Variants in AUTS2 observed in about 807,000 individuals in gnomAD.
AUTS2 encodes the protein activator of transcription and developmental regulator AUTS2, also known as autism susceptibility gene 2 protein.
Under a neutral mutation model 112.4 loss-of-function variants are expected in AUTS2, and 17 were observed. The ratio of observed to expected loss-of-function variants is 0.15; its 90% CI spans 0.10 to 0.23. The LOEUF (loss-of-function observed/expected upper bound fraction) is 0.23, where lower values mean the gene tolerates loss of function less well. AUTS2 is among the 10% of genes least tolerant of loss of function. AUTS2 has a pLI of 1.00. For synonymous variants in AUTS2, 751 were observed against 702.7 expected (o/e 1.07, Z -1.09); for missense variants, 1,510 against 1,701.6 (o/e 0.89, Z 1.98).
chr7:70,140,896 C>T (rs1273626893), intron 4 of AUTS2, among the ~76,000 whole-genome samples: 1 of 152,150 alleles, frequency 6.6e-6, no homozygotes, highest in Non-Finnish European at 1.5e-5. Context: ...TTTTAACTCA[C>T]AAGTATGACT....
intron 2 of AUTS2, among the ~76,000 whole-genome samples, chr7:70,079,379 G>A (rs1484230927): frequency 6.6e-6 from 1 of 152,060 alleles, no homozygotes; most frequent in African/African-American, 2.4e-5. Flanking sequence ...GCAGGCTCCT[G>A]TAATCCCAAC....
At chr7:69,783,239 T>C (rs972448811) in intron 1 of AUTS2, among the ~76,000 whole-genome samples, 2 of 152,048 alleles carry the variant, frequency 1.3e-5, no homozygotes, top group African/African-American at 4.8e-5. Context: ...TTGTCATCCT[T>C]TGGAGATTAG....
chr7:70,039,447 C>G (rs1258983647), intron 2 of AUTS2, among the ~76,000 whole-genome samples: 2 of 152,122 alleles, frequency 1.3e-5, no homozygotes, highest in African/African-American at 2.4e-5. Flanking sequence ...ACTGCAACCT[C>G]TGCCCCCTGG....
rs1450828357 is a variant in AUTS2 at position 70,660,066 on chromosome 7, A to G, written c.691-38503A>G. On this transcript the variant is annotated intron_variant, in intron 5 of 18. Coordinates refer to ENST00000342771, the MANE Select transcript of AUTS2 (RefSeq NM_015570.4). ...GTGATGCATGCCTGTAGTCCCAGCT[A>G]CTCTGGAGGCTGAGGCAGGAGAATC... Among the ~76,000 whole-genome samples the G allele has an allele frequency of 3.3e-5, 5 of 152,042 alleles. No individual in the cohort carries two copies. The South Asian group carries it at 1.0e-3, about 32-fold the overall frequency.
intron 5 of AUTS2, among the ~76,000 whole-genome samples, chr7:70,670,942 C>T (rs1009392937): frequency 3.9e-5 from 6 of 152,150 alleles, no homozygotes; most frequent in African/African-American, 1.2e-4. Context: ...GAGGCCGAGG[C>T]GGGCGGATCA....
intron 5 of AUTS2, among the ~76,000 whole-genome samples, chr7:70,644,522 G>A (rs564329870): frequency 3.3e-5 from 5 of 152,116 alleles, no homozygotes; most frequent in Admixed American, 6.5e-5. Context: ...TCCACACATC[G>A]TCTCGCACCC....
intron 1 of AUTS2, among the ~76,000 whole-genome samples, chr7:69,723,946 G>A (rs1042453080): frequency 3.3e-5 from 5 of 152,218 alleles, no homozygotes; most frequent in Non-Finnish European, 7.3e-5. Flanking sequence ...AGAGAGGACA[G>A]ACATCTGCAG....
chr7:69,956,876 C>A (rs1487611005), intron 2 of AUTS2, among the ~76,000 whole-genome samples: 3 of 151,438 alleles, frequency 2.0e-5, no homozygotes, highest in African/African-American at 7.3e-5. Flanking sequence ...TTTTATTTTT[C>A]TTTTGAGACA....
Position 69,940,720 on chromosome 7 carries a change from A to G in AUTS2, c.522+41222A>G, listed in dbSNP as rs139421125. Among the ~76,000 whole-genome samples the G allele has an allele frequency of 1.8e-3, 277 of 152,308 alleles. 1 individual carries two copies. Among genetic ancestry groups the G allele is most frequent in the Non-Finnish European group, 3.2e-3 (218 of 68,026 alleles). On this transcript the variant is annotated intron_variant, in intron 2 of 18. Coordinates refer to ENST00000342771, the MANE Select transcript of AUTS2 (RefSeq NM_015570.4). ...GTCATAGAGGGAGACAGTAGAGGACAAGAGTGCAGTCAGGCAGCTGATGCT... is the reference window on the plus strand; with the variant it reads ...GTCATAGAGGGAGACAGTAGAGGACGAGAGTGCAGTCAGGCAGCTGATGCT...
chr7:69,795,264 C>T (rs1789789527), intron 1 of AUTS2, among the ~76,000 whole-genome samples: 1 of 152,070 alleles, frequency 6.6e-6, no homozygotes, highest in Non-Finnish European at 1.5e-5. Context: ...TTTATAGGAA[C>T]AAAAAAGATT....
intron 5 of AUTS2, among the ~76,000 whole-genome samples, chr7:70,450,614 A>G (rs1467601484): frequency 1.3e-5 from 2 of 152,228 alleles, no homozygotes; most frequent in African/African-American, 4.8e-5. Flanking sequence ...GCACGGCAAG[A>G]TGAGAGTTTG....
At chr7:70,487,231 G>GC (rs542801192) in intron 5 of AUTS2, among the ~76,000 whole-genome samples, 5,151 of 151,670 alleles carry the variant, frequency 0.034, 187 homozygotes, top group Non-Finnish European at 0.042. Flanking sequence ...CCTCCCCCGC[G>GC]CCCCCCTCCC....
chr7:70,360,143 A>G (rs892484910), intron 4 of AUTS2, among the ~76,000 whole-genome samples: 2 of 152,068 alleles, frequency 1.3e-5, no homozygotes, highest in Non-Finnish European at 2.9e-5. Flanking sequence ...TCTTTTTTTT[A>G]AAGAAAAACA....
At chr7:69,964,192 G>A (rs1479327020) in intron 2 of AUTS2, among the ~76,000 whole-genome samples, 1 of 152,140 alleles carries the variant, frequency 6.6e-6, no homozygotes, top group Non-Finnish European at 1.5e-5. Context: ...GCAGTGGCAT[G>A]CTGGAGCCAG....
intron 1 of AUTS2, among the ~76,000 whole-genome samples, chr7:69,658,141 A>C (rs1795627752): frequency 6.6e-6 from 1 of 152,388 alleles, no homozygotes; most frequent in Admixed American, 6.5e-5. Flanking sequence ...TCATTCATTT[A>C]CGTTATTGCC....
intron 2 of AUTS2, among the ~76,000 whole-genome samples, chr7:70,002,885 A>G (rs2129552958): frequency 6.6e-6 from 1 of 152,048 alleles, no homozygotes; most frequent in Admixed American, 6.6e-5. Flanking sequence ...ATACCTAAAT[A>G]GCTGTGAAAA....
intron 6 of AUTS2, chr7:70,699,587 C>T (rs1479971743): frequency 6.6e-6 from 1 of 152,156 alleles, no homozygotes; most frequent in Non-Finnish European, 1.5e-5. Flanking sequence ...AGAATTTGAA[C>T]CAATTGCAAT....
At chr7:70,695,931 T>C (rs1253726823) in intron 5 of AUTS2, among the ~76,000 whole-genome samples, 1 of 152,194 alleles carries the variant, frequency 6.6e-6, no homozygotes, top group Non-Finnish European at 1.5e-5. Flanking sequence ...TCTTCAAGTC[T>C]GTAGCGGGTA....
At chr7:70,504,306 G>A (rs1798880820) in intron 5 of AUTS2, among the ~76,000 whole-genome samples, 2 of 151,734 alleles carry the variant, frequency 1.3e-5, no homozygotes, top group Admixed American at 1.3e-4. Context: ...ATGGGGAAAG[G>A]GCAGCCACCG....
Sources: gnomAD v4.1 joint callset for allele counts (sites outside exome capture counted in the v4.1 genomes callset) on GRCh38, gnomAD v4.1.1 for gene constraint, MANE v1.5 for transcripts, NCBI Gene and HGNC (gene_info 2026-07-23, HGNC 2026-07-21) for gene names.